RGL1: variants seen among roughly 807,000 people sequenced by gnomAD.
The protein encoded by RGL1 is ral guanine nucleotide dissociation stimulator-like 1.
Under a neutral mutation model 95.2 loss-of-function variants are expected in RGL1, and 24 were observed. The ratio of observed to expected loss-of-function variants is 0.25; its 90% confidence interval spans 0.18 to 0.35. RGL1 has a LOEUF of 0.35. RGL1 is among the 10% of genes least tolerant of loss of function. The pLI, the probability that RGL1 is intolerant of heterozygous loss-of-function variation, is 1.00. For synonymous variants in RGL1, 329 were observed against 344.9 expected (o/e 0.95, Z 0.51); for missense variants, 715 against 936.3 (o/e 0.76, Z 3.08).
In RGL1 at chr1:183,849,494, T is replaced by TTTC. The variant is rs1664684812; in HGVS notation, c.347+1722_347+1723insCTT. Among the ~76,000 whole-genome samples, 8 of 138,930 alleles carry TTTC rather than the reference T, an allele frequency of 5.8e-5. 1 individual carries two copies. In the South Asian group the frequency reaches 2.0e-3, roughly 35 times the overall value. The allele number at this position is 138,930 out of a possible 152,430, so 91.1% of individuals were successfully genotyped here. On this transcript the variant is annotated intron_variant, in intron 3 of 17. Coordinates refer to ENST00000360851, the MANE Select transcript of RGL1 (RefSeq NM_001297671.3). ...TTCTCCAGTTTTTAGTTTTTTTTTT[T>TTTC]TTTTTTTTTTTTGTTGAGATGGCAT...
At chr1:183,847,906 C>A in intron 3 of RGL1, 132 bp downstream of exon 3, 2 of 665,674 alleles carry the variant, frequency 3.0e-6, no homozygotes, top group Non-Finnish European at 5.1e-6. Context: ...GAAGGGATGA[C>A]CTTTGGCACA....
intron 1 of RGL1, among the ~76,000 whole-genome samples, chr1:183,664,310 G>A (rs1036481476): frequency 6.6e-6 from 1 of 152,096 alleles, no homozygotes; most frequent in African/African-American, 2.4e-5. Context: ...TGTTTTGTGT[G>A]TTGATTTTTG....
intron 4 of RGL1, among the ~76,000 whole-genome samples, chr1:183,871,574 CA>C: frequency 6.6e-6 from 1 of 152,156 alleles, no homozygotes; most frequent in Non-Finnish European, 1.5e-5. Flanking sequence ...AGCTGTAAAG[CA>C]AAGAGCAACC....
intron 1 of RGL1, among the ~76,000 whole-genome samples, chr1:183,662,707 A>G (rs927329880): frequency 0.013 from 1,974 of 152,308 alleles, 52 homozygotes; most frequent in African/African-American, 0.046. Context: ...ATTGGAAAAA[A>G]CTACTTTAAA....
At chr1:183,643,027 A>G (rs1475260083) in intron 1 of RGL1, among the ~76,000 whole-genome samples, 1 of 152,104 alleles carries the variant, frequency 6.6e-6, no homozygotes, top group Non-Finnish European at 1.5e-5. Context: ...GTGTTTGCCT[A>G]TTTTTGACTG....
chr1:183,836,024 C>A (rs533866199), intron 2 of RGL1, among the ~76,000 whole-genome samples: 5 of 152,240 alleles, frequency 3.3e-5, no homozygotes, highest in Admixed American at 2.6e-4. Context: ...CTGGGTAACT[C>A]TGGGTGTGAC....
At chr1:183,786,895 T>C (rs1249027483) in intron 2 of RGL1, among the ~76,000 whole-genome samples, 2 of 152,202 alleles carry the variant, frequency 1.3e-5, no homozygotes, top group Non-Finnish European at 2.9e-5. Flanking sequence ...GGGGAATATA[T>C]GTAGAAGCAT....
intron 1 of RGL1, among the ~76,000 whole-genome samples, 165 bp from the exon 2 acceptor site, chr1:183,806,210 C>T (rs1661324602): frequency 6.6e-6 from 1 of 151,988 alleles, no homozygotes; most frequent in South Asian, 2.1e-4. Flanking sequence ...TCTCAGCATT[C>T]CCTCTATCAA....
At chr1:183,883,713 A>G in intron 5 of RGL1, 73 bp from the exon 6 acceptor site, 1 of 1,550,618 alleles carries the variant, frequency 6.4e-7, no homozygotes, top group Non-Finnish European at 8.8e-7. Context: ...AACAAGGAGT[A>G]AAGTCTGATG....
intron 2 of RGL1, chr1:183,755,008 T>TGTTG (rs958256708): frequency 1.3e-5 from 2 of 152,118 alleles, no homozygotes; most frequent in East Asian, 3.9e-4. Context: ...TTTGTTTGTT[T>TGTTG]GTTTGTTTTA....
At chr1:183,790,438 A>G (rs1378313661) in intron 2 of RGL1, among the ~76,000 whole-genome samples, 1 of 152,226 alleles carries the variant, frequency 6.6e-6, no homozygotes, top group Non-Finnish European at 1.5e-5. Flanking sequence ...ATGGATTTAT[A>G]GAATTAATCA....
intron 3 of RGL1, among the ~76,000 whole-genome samples, chr1:183,858,113 A>C (rs1665273742): frequency 6.6e-6 from 1 of 151,908 alleles, no homozygotes; most frequent in Admixed American, 6.6e-5. Flanking sequence ...TTTTTTTTTA[A>C]AGTGTGCTTA....
chr1:183,787,122 G>C (rs77429091), intron 2 of RGL1, among the ~76,000 whole-genome samples: 1 of 152,212 alleles, frequency 6.6e-6, no homozygotes, highest in East Asian at 1.9e-4. Flanking sequence ...CATGGAATGA[G>C]CTAATGAGAG....
intron 2 of RGL1, among the ~76,000 whole-genome samples, chr1:183,819,959 A>G (rs947532406): frequency 6.6e-6 from 1 of 151,668 alleles, no homozygotes; most frequent in Admixed American, 6.6e-5. Flanking sequence ...TAATTTTTAA[A>G]TTTTTTGTAG....
chr1:183,760,335 T>C (rs1658589154), intron 2 of RGL1, among the ~76,000 whole-genome samples: 2 of 152,146 alleles, frequency 1.3e-5, no homozygotes, highest in Admixed American at 1.3e-4. Context: ...AATAAGACAT[T>C]AATGAAGTTT....
intron 1 of RGL1, among the ~76,000 whole-genome samples, chr1:183,659,285 A>G (rs1335138338): frequency 6.6e-6 from 1 of 152,184 alleles, no homozygotes; most frequent in African/African-American, 2.4e-5. Flanking sequence ...TTCAAACCAA[A>G]GGCAAAGAAG....
intron 2 of RGL1, among the ~76,000 whole-genome samples, chr1:183,785,156 A>G (rs958030025): frequency 2.5e-4 from 38 of 152,024 alleles, no homozygotes; most frequent in South Asian, 4.1e-4. Flanking sequence ...TCTCCCCATA[A>G]TCTCCATTGC....
chr1:183,895,616 G>C (rs1667647733), intron 9 of RGL1, among the ~76,000 whole-genome samples: 1 of 152,170 alleles, frequency 6.6e-6, no homozygotes, highest in African/African-American at 2.4e-5. Context: ...AGAGGAGGCA[G>C]GGGGAGAGAA....
chr1:183,885,827 A>G (rs1667076339), intron 7 of RGL1, among the ~76,000 whole-genome samples: 1 of 152,176 alleles, frequency 6.6e-6, no homozygotes, highest in Non-Finnish European at 1.5e-5. Context: ...TAAGCACTGT[A>G]AAAGTGGGGG....
Sources: allele counts gnomAD v4.1 joint callset (sites outside exome capture counted in the v4.1 genomes callset), GRCh38; gene constraint gnomAD v4.1.1; transcripts MANE v1.5; gene names NCBI Gene and HGNC (gene_info 2026-07-23, HGNC 2026-07-21).